The following FBL variants were observed in gnomAD, a reference collection of about 807,000 sequenced individuals.
The protein encoded by FBL is fibrillarin rRNA 2'-O-methyltransferase.
FBL carries 10 observed loss-of-function variants against 42.2 expected under a neutral mutation model. That is an observed-to-expected ratio of 0.24 (90% CI 0.15 to 0.40). FBL has a LOEUF of 0.40. Among genes scored for constraint, FBL ranks in the 10% least tolerant of loss-of-function variants. The pLI, the probability that FBL is intolerant of heterozygous loss-of-function variation, is 1.00. For synonymous variants in FBL, 165 were observed against 165.4 expected (o/e 1.00, Z 0.02); for missense variants, 351 against 439.2 (o/e 0.80, Z 1.79).
intron 4 of FBL, among the ~76,000 whole-genome samples, chr19:39,839,503 C>T (rs1418678158): frequency 1.3e-5 from 2 of 152,100 alleles, no homozygotes; most frequent in Non-Finnish European, 2.9e-5. Context: ...GCTGGGGATA[C>T]AAAACAAGGA....
intron 7 of FBL, among the ~76,000 whole-genome samples, chr19:39,835,581 G>A (rs1969027671): frequency 6.6e-6 from 1 of 152,138 alleles, no homozygotes; most frequent in South Asian, 2.1e-4. Flanking sequence ...TGTGATAGCT[G>A]CATAAAATGG....
At chr19:39,836,963 C>A (rs1201578337) in intron 6 of FBL, among the ~76,000 whole-genome samples, 1 of 152,200 alleles carries the variant, frequency 6.6e-6, no homozygotes, top group Non-Finnish European at 1.5e-5. Flanking sequence ...GCCCTCGAGA[C>A]GCTCCCAGGT....
In FBL at chr19:39,840,120, T is replaced by G; in HGVS notation, c.378+113A>C. On this transcript the variant is annotated intron_variant, in intron 4 of 8. Transcript: ENST00000221801. This position sits in a 1 kb window ranked among gnomAD's most constrained non-coding sequence, Gnocchi z 4.5. ...GGGAGCAGACAGTGTGGTTTACATA[T>G]TATGACAATCCTCCAGCTGTCACGT... The G allele has an allele frequency of 3.9e-6, 3 of 761,090 alleles. No individual in the cohort carries two copies. In the South Asian group the frequency reaches 4.7e-5, roughly 12 times the overall value. 47.1% of individuals were successfully genotyped at this position (761,090 alleles called of 1,614,324 possible).
Position 39,840,439 on chromosome 19 carries a change from C to T in FBL, c.258G>A (p.Val86=). 5.6e-6 allele frequency: 9 copies of T among 1,614,182 alleles called. No individual in the cohort carries two copies. The highest frequency in any genetic ancestry group is 1.1e-5 in the South Asian group (1 of 91,078). ...GKRGNQSGKN[V]MVEPHRHEGV... ...CCTCATGCCGATGCGGCTCCACCAT[C>T]ACATTCTTCCCCGACTGGTTTCCTC... The change falls in exon 3 of 9, where the codon GTG becomes GTA. Residue 86 remains valine, a synonymous_variant. Coordinates refer to ENST00000221801, the MANE Select transcript of FBL (RefSeq NM_001436.4). The surrounding 1 kb of genome is among the most constrained non-coding windows in gnomAD (Gnocchi z 4.5).
chr19:39,839,691 T>A (rs1359635031), intron 4 of FBL, among the ~76,000 whole-genome samples: 1 of 151,218 alleles, frequency 6.6e-6, no homozygotes, highest in Non-Finnish European at 1.5e-5. Flanking sequence ...GAAAGGCAGA[T>A]TCCAAATCAG....
chr19:39,841,597 G>A (rs1158230743), intron 1 of FBL, among the ~76,000 whole-genome samples: 2 of 152,042 alleles, frequency 1.3e-5, no homozygotes, highest in African/African-American at 4.8e-5. Context: ...GTGACAACAG[G>A]GCCCCCTAGA....
Position 39,839,035 on chromosome 19 carries a change from C to G in FBL, c.549G>C (p.Pro183=), listed in dbSNP as rs1473457437. Residue 183 remains proline (P), a splice_region_variant and synonymous_variant, in exon 5 of 9, where the codon CCG becomes CCC. Transcript: ENST00000221801. ...TVSHVSDIVG[P]DGLVYAVEFS... ...CCTGACTCTCCATCTACTCACTCAC[C>G]GGACCAACGATGTCAGAGACATGGG... 6.2e-7 allele frequency: 1 copy of G among 1,607,948 alleles called. No homozygotes were observed. Among genetic ancestry groups the G allele is most frequent in the African/African-American group, 1.3e-5 (1 of 74,844 alleles).
chr19:39,835,743 T>A (rs1969032429), intron 7 of FBL, among the ~76,000 whole-genome samples: 1 of 151,782 alleles, frequency 6.6e-6, no homozygotes, highest in East Asian at 1.9e-4. Context: ...CTGAGCAACA[T>A]GGCAAAACCC....
chr19:39,839,628 G>A (rs1206393143), intron 4 of FBL, among the ~76,000 whole-genome samples: 1 of 152,100 alleles, frequency 6.6e-6, no homozygotes, highest in Non-Finnish European at 1.5e-5. Flanking sequence ...TACGGAGTTT[G>A]GGAAGCAGGG....
At position 39,839,085 on chromosome 19, in the gene FBL, C is replaced by T. The variant is rs371072739; in HGVS notation, c.499G>A (p.Gly167Arg). ...IKPGAKVLYL[G>R]AASGTTVSHV... Reference sequence around the variant, plus strand: ...GAGACCGTGGTGCCCGAGGCAGCCCCGAGGTAGAGAACCTTAGCCCCCGGT... The same window carrying T: ...GAGACCGTGGTGCCCGAGGCAGCCCTGAGGTAGAGAACCTTAGCCCCCGGT... The change falls in exon 5 of 9, where the codon GGG (glycine) becomes AGG (arginine). Residue 167 changes from glycine to arginine, a missense_variant. Gly to Arg is a moderately radical substitution (Grantham distance 125). Transcript: ENST00000221801. 1 of 1,614,104 alleles carries T rather than the reference C, an allele frequency of 6.2e-7. No individual in the cohort carries two copies. The highest frequency in any genetic ancestry group is 8.5e-7 in the Non-Finnish European group (1 of 1,179,992).
chr19:39,836,112 G>T (rs1324308910), intron 7 of FBL, among the ~76,000 whole-genome samples: 1 of 151,698 alleles, frequency 6.6e-6, no homozygotes, highest in Non-Finnish European at 1.5e-5. Context: ...GTAGCAAAAG[G>T]CTAACAAATG....
chr19:39,846,205 A>C, intron 1 of FBL, 86 bp downstream of exon 1: 1 of 1,517,688 alleles, frequency 6.6e-7, no homozygotes, highest in Non-Finnish European at 9.1e-7. Flanking sequence ...CCCCCAGGCC[A>C]AGGCCCCACC....
At chr19:39,842,049 C>T (rs1233737086) in intron 1 of FBL, among the ~76,000 whole-genome samples, 1 of 151,592 alleles carries the variant, frequency 6.6e-6, no homozygotes, top group Non-Finnish European at 1.5e-5. Context: ...AAAATTATCT[C>T]ACATTCTCAC....
intron 6 of FBL, 145 bp from the exon 7 acceptor site, chr19:39,836,813 C>A: frequency 1.7e-6 from 1 of 594,734 alleles, no homozygotes; most frequent in Non-Finnish European, 3.0e-6. Context: ...GGTCCCCCTC[C>A]CTCCAGTGTC....
intron 1 of FBL, among the ~76,000 whole-genome samples, chr19:39,842,954 T>A (rs1389471911): frequency 6.6e-6 from 1 of 152,146 alleles, no homozygotes; most frequent in Non-Finnish European, 1.5e-5. Flanking sequence ...CACGTGCTGT[T>A]CCCACTGCCT....
intron 8 of FBL, 47 bp downstream of exon 8, chr19:39,834,621 A>G (rs1405233005): frequency 6.2e-7 from 1 of 1,613,972 alleles, no homozygotes. Context: ...CTCGGGGTGC[A>G]AGGGACAGAG....
chr19:39,839,451 C>T (rs1969114305), intron 4 of FBL, among the ~76,000 whole-genome samples: 1 of 152,190 alleles, frequency 6.6e-6, no homozygotes, highest in Non-Finnish European at 1.5e-5. Flanking sequence ...AACAAACATG[C>T]ACTGTGCCAG....
chr19:39,836,502 A>G (rs879493714), intron 7 of FBL, 54 bp downstream of exon 7: 2 of 1,185,270 alleles, frequency 1.7e-6, no homozygotes, highest in Non-Finnish European at 2.5e-6. Flanking sequence ...CAGATAGAGA[A>G]GATACCTCCC....
intron 1 of FBL, among the ~76,000 whole-genome samples, chr19:39,844,159 C>T (rs923813296): frequency 6.6e-6 from 1 of 152,192 alleles, no homozygotes; most frequent in Non-Finnish European, 1.5e-5. Context: ...CTAATAAGTG[C>T]TGTTTTTGAA....
Sources: gnomAD v4.1 joint callset for allele counts (sites outside exome capture counted in the v4.1 genomes callset) on GRCh38, gnomAD v4.1.1 for gene constraint, Gnocchi (gnomAD v3.1) non-coding constraint, MANE v1.5 for transcripts, NCBI Gene and HGNC (gene_info 2026-07-23, HGNC 2026-07-21) for gene names.